Variants in PSMA8 observed in about 807,000 individuals in gnomAD.
The protein encoded by PSMA8 is proteasome subunit alpha-type 8.
PSMA8 carries 18 observed loss-of-function variants against 32.4 expected under a neutral mutation model. The observed-to-expected ratio is 0.56, with a 90% CI of 0.38 to 0.82. PSMA8 has a LOEUF of 0.82. Ranked by LOEUF, PSMA8 falls within the 40% of genes least tolerant of loss-of-function variation. PSMA8 has a pLI of 0.00. For synonymous variants in PSMA8, 104 were observed against 98.1 expected (o/e 1.06, Z -0.36); for missense variants, 298 against 300.7 (o/e 0.99, Z 0.07).
At position 26,143,882 on chromosome 18, in the gene PSMA8, C is replaced by T. The variant is rs139657965; in HGVS notation, c.103-677C>T. 3.2e-3 allele frequency among the ~76,000 whole-genome samples: 487 copies of T among 152,012 alleles called. 4 individuals are homozygous for T. The highest frequency in any genetic ancestry group is 0.01 in the African/African-American group (430 of 41,466). On this transcript the variant is annotated intron_variant, in intron 1 of 6. Transcript: ENST00000415576. ...GACTACAGGTGCCTGCCACTATGCC[C>T]GGCTAATTTTTGTGTTTTTAGTAGA...
intron 6 of PSMA8, among the ~76,000 whole-genome samples, chr18:26,179,420 C>T (rs1356861517): frequency 1.3e-5 from 2 of 151,940 alleles, no homozygotes; most frequent in African/African-American, 2.4e-5. Flanking sequence ...TGTGAGCCAC[C>T]GCAGTCGTCC....
intron 6 of PSMA8, among the ~76,000 whole-genome samples, chr18:26,185,879 T>C (rs1314133787): frequency 6.6e-6 from 1 of 150,590 alleles, no homozygotes; most frequent in Non-Finnish European, 1.5e-5. Context: ...CATGAAAATA[T>C]TACAAATCCT....
Position 26,179,042 on chromosome 18 carries a change from C to G in PSMA8, c.598-26C>G, listed in dbSNP as rs754889231. The G allele has an allele frequency of 1.3e-5, 21 of 1,609,018 alleles. No homozygotes were observed. The South Asian group carries it at 2.3e-4, about 18-fold the overall frequency. The stretch of plus-strand genomic sequence containing the variant: ...AAACACAAAATTTGCTGAAATAATT[C>G]TAATAGTGTACTTGTTCTACATTAG... On this transcript the variant is annotated intron_variant, in intron 5 of 6. Transcript: ENST00000415576.
At chr18:26,155,162 G>C (rs976397551) in intron 3 of PSMA8, among the ~76,000 whole-genome samples, 2 of 152,152 alleles carry the variant, frequency 1.3e-5, no homozygotes, top group South Asian at 2.1e-4. Context: ...TTGAACCCAG[G>C]AGACGGAGGT....
chr18:26,161,058 A>G lies in PSMA8; in HGVS notation c.477+2814A>G, dbSNP rs148695904. Reference sequence around the variant, plus strand: ...AACAAATCATACTGTCATTACAGTAACCCCTTATTTGCCTGTTGGTTCAAT... The same window carrying G: ...AACAAATCATACTGTCATTACAGTAGCCCCTTATTTGCCTGTTGGTTCAAT... On this transcript the variant is annotated intron_variant, in intron 4 of 6. Coordinates refer to ENST00000415576, the MANE Select transcript of PSMA8 (RefSeq NM_001025096.2). Among the ~76,000 whole-genome samples the G allele has an allele frequency of 1.1e-4, 16 of 152,298 alleles. No homozygotes were observed. The East Asian group carries it at 3.1e-3, about 29-fold the overall frequency.
chr18:26,184,149 GCTGTGGTC>G (rs1031727731), intron 6 of PSMA8, among the ~76,000 whole-genome samples: 2 of 150,648 alleles, frequency 1.3e-5, no homozygotes, highest in African/African-American at 4.9e-5. Context: ...TTGCCTTACT[GCTGTGGTC>G]CTGAACCAAA....
At chr18:26,179,747 A>G (rs1026488745) in intron 6 of PSMA8, among the ~76,000 whole-genome samples, 1 of 152,074 alleles carries the variant, frequency 6.6e-6, no homozygotes, top group African/African-American at 2.4e-5. Context: ...AGATTGTAAA[A>G]AAGCACTCAA....
At chr18:26,187,116 G>A (rs1258466479) in intron 6 of PSMA8, among the ~76,000 whole-genome samples, 2 of 152,192 alleles carry the variant, frequency 1.3e-5, no homozygotes, top group African/African-American at 2.4e-5. Context: ...AGGCCAAGGC[G>A]GCCAGATCAC....
At chr18:26,152,511 G>C (rs2144295204) in intron 3 of PSMA8, among the ~76,000 whole-genome samples, 1 of 152,148 alleles carries the variant, frequency 6.6e-6, no homozygotes, top group Admixed American at 6.5e-5. Flanking sequence ...TTTTTGTACA[G>C]ATGGGGTTTT....
At chr18:26,155,282 T>C (rs2055080209) in intron 3 of PSMA8, among the ~76,000 whole-genome samples, 1 of 152,058 alleles carries the variant, frequency 6.6e-6, no homozygotes, top group African/African-American at 2.4e-5. Context: ...GAGTCTTCCC[T>C]CTAAGGTATA....
chr18:26,185,087 CAAAAAAAAA>C lies in PSMA8; in HGVS notation c.660+5970_660+5978del, dbSNP rs772421124. 3.0e-3 allele frequency among the ~76,000 whole-genome samples: 169 copies of C among 55,460 alleles called. 8 individuals carry two copies. Among genetic ancestry groups the C allele is most frequent in the African/African-American group, 0.011 (167 of 15,296 alleles). The allele number at this position is 55,460 out of a possible 152,430, so 36.4% of individuals were successfully genotyped here. The stretch of plus-strand genomic sequence containing the variant: ...GGGCAACAAGAGCGAAACTCCATCT[CAAAAAAAAA>C]AAAAAAAAAAAAGTTGTTTTTGGCA... On this transcript the variant is annotated intron_variant, in intron 6 of 6. Transcript: ENST00000415576.
At chr18:26,134,195 C>G in intron 1 of PSMA8, 128 bp downstream of exon 1, 1 of 660,432 alleles carries the variant, frequency 1.5e-6, no homozygotes, top group East Asian at 2.8e-5. Flanking sequence ...GTGAAAATTA[C>G]TTTGTTCTTT....
chr18:26,138,857 TA>T (rs1345256796), intron 1 of PSMA8, among the ~76,000 whole-genome samples: 4 of 152,202 alleles, frequency 2.6e-5, no homozygotes, highest in Non-Finnish European at 5.9e-5. Context: ...GAAGGAGGAA[TA>T]AAAGTTGGTG....
chr18:26,151,758 A>G (rs776363501), intron 2 of PSMA8, 100 bp from the exon 3 acceptor site: 9 of 1,124,020 alleles, frequency 8.0e-6, no homozygotes, highest in Non-Finnish European at 1.1e-5. Flanking sequence ...AAAAAAGGAT[A>G]AGAAAGATTT....
At chr18:26,171,954 C>T (rs749083675) in intron 4 of PSMA8, among the ~76,000 whole-genome samples, 16 of 152,204 alleles carry the variant, frequency 1.1e-4, no homozygotes, top group Non-Finnish European at 2.1e-4. Flanking sequence ...TCAAGACCCA[C>T]AGAGTTGATG....
intron 6 of PSMA8, among the ~76,000 whole-genome samples, chr18:26,185,643 A>T (rs2055347079): frequency 2.7e-5 from 4 of 150,802 alleles, no homozygotes; most frequent in Admixed American, 2.0e-4. Context: ...TATAGAATGG[A>T]TGTTTGGGGA....
chr18:26,167,883 T>C lies in PSMA8; in HGVS notation c.477+9639T>C, dbSNP rs1598660102. 6.2e-5 allele frequency among the ~76,000 whole-genome samples: 8 copies of C among 129,396 alleles called. 1 individual carries two copies. The South Asian group carries it at 1.8e-3, about 29-fold the overall frequency. 84.9% of individuals were successfully genotyped at this position (129,396 alleles called of 152,430 possible). A position where few individuals can be genotyped will look rare whatever the true frequency, so the allele number is the denominator to read the frequency against. Reference sequence around the variant, plus strand: ...TTTTTTATTAACAAGTGTAACTCTTTATTAAGATGGAATTGTTCTTATTAA... The same window carrying C: ...TTTTTTATTAACAAGTGTAACTCTTCATTAAGATGGAATTGTTCTTATTAA... On this transcript the variant is annotated intron_variant, in intron 4 of 6. Transcript: ENST00000415576.
intron 4 of PSMA8, among the ~76,000 whole-genome samples, chr18:26,175,285 A>G (rs2055254965): frequency 6.6e-6 from 1 of 152,152 alleles, no homozygotes; most frequent in African/African-American, 2.4e-5. Flanking sequence ...CCTCATGGGA[A>G]GATTATTATT....
At chr18:26,165,042 C>T (rs2055166992) in intron 4 of PSMA8, among the ~76,000 whole-genome samples, 1 of 152,080 alleles carries the variant, frequency 6.6e-6, no homozygotes. Flanking sequence ...CTCAGCCTCC[C>T]AAGTAGCTGG....
Sources: gnomAD v4.1 joint callset for allele counts (sites outside exome capture counted in the v4.1 genomes callset) on GRCh38, gnomAD v4.1.1 for gene constraint, MANE v1.5 for transcripts, NCBI Gene and HGNC (gene_info 2026-07-23, HGNC 2026-07-21) for gene names.